The following TRHDE variants were observed in gnomAD, a reference collection of about 807,000 sequenced individuals.
TRHDE encodes the protein thyrotropin releasing hormone degrading enzyme, also known as thyrotropin-releasing hormone-degrading ectoenzyme.
In TRHDE, 72 loss-of-function variants were observed where a neutral mutation model predicts 125.7. The observed-to-expected ratio is 0.57, with a 90% CI of 0.47 to 0.70. The LOEUF (loss-of-function observed/expected upper bound fraction) is 0.70. Among genes scored for constraint, TRHDE ranks in the 30% least tolerant of loss-of-function variants. TRHDE has a pLI of 0.00. For synonymous variants in TRHDE, 509 were observed against 509.1 expected (o/e 1.00, Z 0.00); for missense variants, 1,110 against 1,327.1 (o/e 0.84, Z 2.54).
Position 72,272,719 on chromosome 12 carries a change from AAGGAGG to A in TRHDE, c.95_100del (p.Glu32_Glu33del), listed in dbSNP as rs35448406. On this transcript the variant is annotated inframe_deletion, in exon 1 of 19. Transcript: ENST00000261180. This position sits in a 1 kb window ranked among gnomAD's most constrained non-coding sequence, Gnocchi z 6.7. ...GAAGAAAAAGAAGAGGAAGAAGAAGAAGGAGGAGGAGGAGGAGGAGGAGGGGGCCGA... is the reference window on the plus strand; with the variant it reads ...GAAGAAAAAGAAGAGGAAGAAGAAGAAGGAGGAGGAGGAGGAGGGGGCCGA... The A allele has an allele frequency of 1.8e-4, 182 of 1,000,662 alleles. No homozygotes were observed. Among genetic ancestry groups the A allele is most frequent in the Non-Finnish European group, 2.3e-4 (171 of 736,698 alleles). 62.0% of individuals were successfully genotyped at this position (1,000,662 alleles called of 1,614,324 possible). A position where few individuals can be genotyped will look rare whatever the true frequency, so the allele number is the denominator to read the frequency against.
intron 5 of TRHDE, among the ~76,000 whole-genome samples, chr12:72,491,154 G>A: frequency 6.6e-6 from 1 of 151,644 alleles, no homozygotes; most frequent in East Asian, 1.9e-4. Context: ...CATAGTTTAA[G>A]CAACTAAAAA....
intron 2 of TRHDE, chr12:72,309,750 A>G (rs4760758): frequency 0.63 from 95,714 of 151,304 alleles, 30,478 homozygotes; most frequent in East Asian, 0.71. Flanking sequence ...AAGAAGATGG[A>G]GTTTTTTGAT....
chr12:72,118,563 G>A (rs1315178870), intron 2 of TRHDE, among the ~76,000 whole-genome samples: 1 of 152,130 alleles, frequency 6.6e-6, no homozygotes, highest in Non-Finnish European at 1.5e-5. Flanking sequence ...TACTGGCACT[G>A]TAGAATAAGT....
At chr12:72,302,695 G>A (rs1209307575) in intron 2 of TRHDE, among the ~76,000 whole-genome samples, 1 of 152,100 alleles carries the variant, frequency 6.6e-6, no homozygotes, top group Admixed American at 6.5e-5. Context: ...GCAGACACAG[G>A]GGTGTCTCTT....
At chr12:72,439,094 T>C (rs998952649) in intron 3 of TRHDE, among the ~76,000 whole-genome samples, 7 of 151,784 alleles carry the variant, frequency 4.6e-5, no homozygotes, top group African/African-American at 1.7e-4. Flanking sequence ...CTTTGTTGAA[T>C]GTCAGTTGGC....
chr12:72,520,185 T>G (rs1411051291), intron 6 of TRHDE, among the ~76,000 whole-genome samples: 1 of 152,238 alleles, frequency 6.6e-6, no homozygotes, highest in Admixed American at 6.5e-5. Flanking sequence ...CCAGCTTCCC[T>G]GCTGCTTTGT....
At chr12:72,183,632 A>G (rs1166978282) in intron 2 of TRHDE, among the ~76,000 whole-genome samples, 1 of 152,202 alleles carries the variant, frequency 6.6e-6, no homozygotes, top group African/African-American at 2.4e-5. Context: ...ATTAAGCACC[A>G]TAATAGTGTT....
Position 72,456,164 on chromosome 12 carries a change from CACACACACACACAG to C in TRHDE, c.1316-13592_1316-13579del, listed in dbSNP as rs1447347473. 3.5e-3 allele frequency among the ~76,000 whole-genome samples: 492 copies of C among 141,850 alleles called. 1 individual carries two copies. Among genetic ancestry groups the C allele is most frequent in the Middle Eastern group, 0.01 (3 of 288 alleles). 93.1% of individuals were successfully genotyped at this position (141,850 alleles called of 152,430 possible). Reference sequence around the variant, plus strand: ...ACACACACACACACACACACACACACACACACACACACAGAGACTCAGAGAGTTGGACATATGTT... The same window carrying C: ...ACACACACACACACACACACACACACAGACTCAGAGAGTTGGACATATGTT... On this transcript the variant is annotated intron_variant, in intron 3 of 18. Transcript: ENST00000261180.
intron 2 of TRHDE, among the ~76,000 whole-genome samples, chr12:72,354,200 C>G (rs1478383374): frequency 6.6e-6 from 1 of 151,330 alleles, no homozygotes; most frequent in Non-Finnish European, 1.5e-5. Context: ...TAACATAATA[C>G]CATTTATTTA....
At chr12:72,621,245 G>T (rs1427382881) in intron 14 of TRHDE, 40 bp downstream of exon 14, 2 of 1,335,008 alleles carry the variant, frequency 1.5e-6, no homozygotes, top group East Asian at 2.3e-5. Context: ...TACCCCTAGA[G>T]CTGTATAATA....
chr12:72,588,505 A>G (rs1200419898), intron 12 of TRHDE, among the ~76,000 whole-genome samples: 1 of 152,220 alleles, frequency 6.6e-6, no homozygotes, highest in Non-Finnish European at 1.5e-5. Flanking sequence ...TGATCATGTA[A>G]TAAACTATTG....
intron 2 of TRHDE, among the ~76,000 whole-genome samples, chr12:72,130,991 T>C (rs1322395218): frequency 1.3e-5 from 2 of 151,906 alleles, no homozygotes; most frequent in South Asian, 2.1e-4. Flanking sequence ...TACTGACAAA[T>C]AGTTTTCCCA....
chr12:72,095,804 C>T (rs1262641999), intron 1 of TRHDE, among the ~76,000 whole-genome samples: 1 of 152,068 alleles, frequency 6.6e-6, no homozygotes, highest in Non-Finnish European at 1.5e-5. Flanking sequence ...ACTGCAGGTC[C>T]GAGATATGTG....
chr12:72,110,948 A>G (rs1378826069), intron 2 of TRHDE, among the ~76,000 whole-genome samples: 1 of 152,168 alleles, frequency 6.6e-6, no homozygotes, highest in Non-Finnish European at 1.5e-5. Flanking sequence ...TGGCAAGTAC[A>G]AGTATGTCTC....
At chr12:72,537,397 G>T (rs1317583574) in intron 6 of TRHDE, among the ~76,000 whole-genome samples, 1 of 151,974 alleles carries the variant, frequency 6.6e-6, no homozygotes, top group Non-Finnish European at 1.5e-5. Flanking sequence ...TGTTACTCAT[G>T]ATAGTAATCG....
At chr12:72,515,964 C>T (rs201664382) in intron 6 of TRHDE, among the ~76,000 whole-genome samples, 11,678 of 97,398 alleles carry the variant, frequency 0.12, 1,690 homozygotes, top group African/African-American at 0.31. Context: ...ATATGTGGCG[C>T]TATTTCTGAG....
rs772363292 is a variant in TRHDE, at chr12:72,638,794, G to A, written c.2676-13528G>A. Among the ~76,000 whole-genome samples, 995 of 152,092 alleles carry A rather than the reference G, an allele frequency of 6.5e-3. 9 individuals are homozygous for A. Among genetic ancestry groups the A allele is most frequent in the Non-Finnish European group, 8.0e-3 (542 of 67,994 alleles). On this transcript the variant is annotated intron_variant, in intron 15 of 18. Coordinates refer to ENST00000261180, the MANE Select transcript of TRHDE (RefSeq NM_013381.3). Reference sequence around the variant, plus strand: ...AGTTTGGCTAGATATGAAATTCTGGGTTGAAAATTCTTTTCTTTAAGAATG... The same window carrying A: ...AGTTTGGCTAGATATGAAATTCTGGATTGAAAATTCTTTTCTTTAAGAATG...
intron 9 of TRHDE, among the ~76,000 whole-genome samples, chr12:72,566,827 C>A (rs17741682): frequency 0.056 from 8,457 of 151,968 alleles, 348 homozygotes; most frequent in Admixed American, 0.13. Context: ...TCTGTCTTAC[C>A]TATAGATGGG....
chr12:72,647,542 A>T (rs960967039), intron 15 of TRHDE, among the ~76,000 whole-genome samples: 2 of 152,070 alleles, frequency 1.3e-5, no homozygotes, highest in African/African-American at 4.8e-5. Flanking sequence ...AACTAGATTA[A>T]TTAATGAAAA....
Sources: allele counts gnomAD v4.1 joint callset (sites outside exome capture counted in the v4.1 genomes callset), GRCh38; gene constraint gnomAD v4.1.1; non-coding constraint Gnocchi (gnomAD v3.1); transcripts MANE v1.5; gene names NCBI Gene and HGNC (gene_info 2026-07-23, HGNC 2026-07-21).